The following FRMPD4 variants were observed in gnomAD, a reference collection of about 807,000 sequenced individuals.
FRMPD4 encodes the protein FERM and PDZ domain-containing protein 4.
Under a neutral mutation model 94.1 loss-of-function variants are expected in FRMPD4, and 22 were observed. The ratio of observed to expected loss-of-function variants is 0.23; its 90% CI spans 0.17 to 0.33. The LOEUF (loss-of-function observed/expected upper bound fraction) is 0.33. FRMPD4 is among the 10% of genes least tolerant of loss of function. The pLI is 1.00. For synonymous variants in FRMPD4, 631 were observed against 548.6 expected (o/e 1.15, Z -2.10); for missense variants, 1,111 against 1,339.9 (o/e 0.83, Z 2.67).
chrX:12,275,576 G>T (rs767231503), intron 1 of FRMPD4, among the ~76,000 whole-genome samples: 1 of 108,957 alleles, frequency 9.2e-6, no homozygotes, highest in Non-Finnish European at 1.9e-5. Flanking sequence ...ACATTCGAAG[G>T]TGTGTGGATG....
At chrX:12,266,642 CA>C (rs1418359472) in intron 1 of FRMPD4, among the ~76,000 whole-genome samples, 1 of 111,851 alleles carries the variant, frequency 8.9e-6, no homozygotes, top group Non-Finnish European at 1.9e-5. Flanking sequence ...TTACTCGGAC[CA>C]TTATTGGAAT....
chrX:12,146,940 G>A lies in FRMPD4; in HGVS notation c.41+7928G>A, dbSNP rs1462886258. Among the ~76,000 whole-genome samples the A allele has an allele frequency of 3.6e-5, 4 of 112,105 alleles. No individual in the cohort carries two copies. The East Asian group carries it at 1.1e-3, about 31-fold the overall frequency. On this transcript the variant is annotated intron_variant, in intron 1 of 16. Transcript: ENST00000675598. ...TGTTCAGCTGACAGATGAGGGGAGAGAATGGTAGAAGATTGGGTGACAGGT... is the reference window on the plus strand; with the variant it reads ...TGTTCAGCTGACAGATGAGGGGAGAAAATGGTAGAAGATTGGGTGACAGGT...
chrX:12,153,510 T>A lies in FRMPD4; in HGVS notation c.41+14498T>A, dbSNP rs768202782. On this transcript the variant is annotated intron_variant, in intron 1 of 16. Transcript: ENST00000675598. The stretch of plus-strand genomic sequence containing the variant: ...GCATAGGAGGCAATAAAGCATCTAA[T>A]CCTTCTCTACTGGTTAGTGCCTTAC... Among the ~76,000 whole-genome samples, 8 of 112,349 alleles carry A rather than the reference T, an allele frequency of 7.1e-5. No homozygotes were observed. The East Asian group carries it at 1.4e-3, about 20-fold the overall frequency.
At chrX:12,284,586 G>A (rs116323144) in intron 1 of FRMPD4, among the ~76,000 whole-genome samples, 2,643 of 111,778 alleles carry the variant, frequency 0.024, 76 homozygotes, top group African/African-American at 0.08. Flanking sequence ...GCAGGGCCGA[G>A]ATTTACAGCA....
In FRMPD4 at chrX:12,605,993, C is replaced by T. The variant is rs376721177; in HGVS notation, c.159-3728C>T. On this transcript the variant is annotated intron_variant, in intron 2 of 16. Coordinates refer to ENST00000675598, the MANE Select transcript of FRMPD4 (RefSeq NM_001368397.1). Reference sequence around the variant, plus strand: ...ATCCCAGAAATGAGAATCCAGTGGGCGTTTTACGAATTGACTAAATGAACA... The same window carrying T: ...ATCCCAGAAATGAGAATCCAGTGGGTGTTTTACGAATTGACTAAATGAACA... Among the ~76,000 whole-genome samples, 9 of 112,250 alleles carry T rather than the reference C, an allele frequency of 8.0e-5. No homozygotes were observed. The East Asian group carries it at 2.2e-3, about 28-fold the overall frequency.
At chrX:11,830,749 C>T (rs2053470337) in intron 1 of FRMPD4, among the ~76,000 whole-genome samples, 1 of 111,465 alleles carries the variant, frequency 9.0e-6, no homozygotes, top group Non-Finnish European at 1.9e-5. Flanking sequence ...TGTCAGATAC[C>T]CTTTATAAAC....
intron 3 of FRMPD4, among the ~76,000 whole-genome samples, chrX:11,880,520 G>T (rs1006882819): frequency 8.9e-6 from 1 of 111,894 alleles, no homozygotes; most frequent in African/African-American, 3.2e-5. Context: ...TTTAGGACTT[G>T]GGAAAAGGAG....
chrX:12,459,212 C>CTT (rs200683507), intron 1 of FRMPD4, among the ~76,000 whole-genome samples: 30 of 109,463 alleles, frequency 2.7e-4, no homozygotes, highest in Non-Finnish European at 5.0e-4. Flanking sequence ...TCCCAGGATC[C>CTT]TTTTTTTTAA....
intron 1 of FRMPD4, among the ~76,000 whole-genome samples, chrX:12,292,593 T>C (rs1477229243): frequency 9.0e-6 from 1 of 111,606 alleles, no homozygotes; most frequent in Non-Finnish European, 1.9e-5. Flanking sequence ...CATCTTTAGC[T>C]TGTAATTGAG....
intron 1 of FRMPD4, among the ~76,000 whole-genome samples, chrX:12,317,424 G>A (rs751365868): frequency 8.2e-5 from 9 of 110,416 alleles, no homozygotes; most frequent in Non-Finnish European, 1.7e-4. Context: ...CATAAAAATT[G>A]ACAAATGGGA....
chrX:12,284,448 A>T (rs1255694789), intron 1 of FRMPD4, among the ~76,000 whole-genome samples: 1 of 111,155 alleles, frequency 9.0e-6, no homozygotes, highest in Non-Finnish European at 1.9e-5. Flanking sequence ...AGCAGGGGAG[A>T]GATGTGTTTG....
intron 3 of FRMPD4, among the ~76,000 whole-genome samples, chrX:12,020,592 G>A (rs1043547952): frequency 8.9e-6 from 1 of 112,041 alleles, no homozygotes; most frequent in Non-Finnish European, 1.9e-5. Flanking sequence ...ACTGGCCAGA[G>A]CTCAGTCACC....
chrX:12,434,253 G>A (rs1019671804), intron 1 of FRMPD4, among the ~76,000 whole-genome samples: 1 of 112,493 alleles, frequency 8.9e-6, no homozygotes, highest in African/African-American at 3.2e-5. Context: ...AACTCTCAGT[G>A]TACCAATGAG....
At chrX:12,206,277 G>GTTGTTT (rs1327885281) in intron 1 of FRMPD4, among the ~76,000 whole-genome samples, 2 of 112,265 alleles carry the variant, frequency 1.8e-5, no homozygotes, top group African/African-American at 6.5e-5. Context: ...TTTAATAAAT[G>GTTGTTT]TTGTTTTTGT....
At chrX:12,500,605 C>T (rs2057908681) in intron 2 of FRMPD4, among the ~76,000 whole-genome samples, 1 of 110,208 alleles carries the variant, frequency 9.1e-6, no homozygotes, top group African/African-American at 3.3e-5. Flanking sequence ...GGAAAGTGGC[C>T]CCCTGGCTTC....
chrX:12,640,497 C>T (rs1167068523), intron 4 of FRMPD4, among the ~76,000 whole-genome samples: 1 of 110,823 alleles, frequency 9.0e-6, no homozygotes, highest in African/African-American at 3.3e-5. Flanking sequence ...GGAATCAAGG[C>T]TATTTTAGGC....
At chrX:12,624,954 T>G (rs929691807) in intron 4 of FRMPD4, among the ~76,000 whole-genome samples, 1 of 110,590 alleles carries the variant, frequency 9.0e-6, no homozygotes, top group Non-Finnish European at 1.9e-5. Flanking sequence ...AAAAGAATAA[T>G]CCAATTAAAA....
chrX:11,845,559 G>A (rs1238941990), intron 1 of FRMPD4, among the ~76,000 whole-genome samples: 2 of 106,564 alleles, frequency 1.9e-5, no homozygotes, highest in African/African-American at 3.4e-5. Flanking sequence ...TACCAAAGCC[G>A]GGCAGAGACA....
intron 2 of FRMPD4, among the ~76,000 whole-genome samples, chrX:12,560,018 C>T (rs987357639): frequency 2.4e-5 from 1 of 41,383 alleles, no homozygotes; most frequent in Non-Finnish European, 4.1e-5. Flanking sequence ...TTATTGAGTT[C>T]GGGAAGTGAA....
Sources: allele counts gnomAD v4.1 joint callset (sites outside exome capture counted in the v4.1 genomes callset), GRCh38; gene constraint gnomAD v4.1.1; transcripts MANE v1.5; gene names NCBI Gene and HGNC (gene_info 2026-07-23, HGNC 2026-07-21).